Variants in SH3KBP1 observed in about 807,000 individuals in gnomAD.
The protein encoded by SH3KBP1 is SH3 domain containing kinase binding protein 1.
Under a neutral mutation model 50.1 loss-of-function variants are expected in SH3KBP1, and 8 were observed. The ratio of observed to expected loss-of-function variants is 0.16; its 90% CI spans 0.09 to 0.29. The LOEUF (loss-of-function observed/expected upper bound fraction) is 0.29, where lower values mean the gene tolerates loss of function less well. Ranked by LOEUF, SH3KBP1 falls within the 10% of genes least tolerant of loss-of-function variation. SH3KBP1 has a pLI of 1.00. For synonymous variants in SH3KBP1, 227 were observed against 218.6 expected (o/e 1.04, Z -0.34); for missense variants, 377 against 535.2 (o/e 0.70, Z 2.92).
In SH3KBP1 at chrX:19,792,649, C is replaced by T. The variant is rs564979743; in HGVS notation, c.162+43476G>A. Among the ~76,000 whole-genome samples the T allele has an allele frequency of 2.7e-5, 3 of 109,997 alleles. No homozygotes were observed. The South Asian group carries it at 1.2e-3, about 44-fold the overall frequency. On this transcript the variant is annotated intron_variant, in intron 2 of 17. Coordinates refer to ENST00000397821, the MANE Select transcript of SH3KBP1 (RefSeq NM_031892.3). ...GTCTAACATTTTCAAGGTCGTCTTT[C>T]CCTCTTTTAAATGTGGCTATTATGT...
intron 1 of SH3KBP1, among the ~76,000 whole-genome samples, chrX:19,854,994 C>A (rs1184660434): frequency 3.6e-5 from 4 of 110,698 alleles, no homozygotes; most frequent in Non-Finnish European, 7.6e-5. Flanking sequence ...TTCTTTTTTT[C>A]AGATGAAATG....
chrX:19,612,638 A>T (rs1158439085), intron 8 of SH3KBP1, among the ~76,000 whole-genome samples: 1 of 111,470 alleles, frequency 9.0e-6, no homozygotes, highest in African/African-American at 3.3e-5. Flanking sequence ...GGGAATTTTA[A>T]AAAAAAATGC....
intron 1 of SH3KBP1, among the ~76,000 whole-genome samples, chrX:19,860,945 T>C (rs2147509929): frequency 8.9e-6 from 1 of 111,983 alleles, no homozygotes; most frequent in African/African-American, 3.2e-5. Context: ...GCAATGTTGA[T>C]TTCCTGATTC....
intron 5 of SH3KBP1, chrX:19,687,726 A>C: frequency 6.5e-6 from 7 of 1,075,361 alleles, no homozygotes; most frequent in Non-Finnish European, 9.1e-6. Flanking sequence ...GGGGAGAGAA[A>C]AACAAGAGAG....
chrX:19,747,471 C>A (rs918691973), intron 2 of SH3KBP1, among the ~76,000 whole-genome samples: 2 of 111,119 alleles, frequency 1.8e-5, no homozygotes, highest in Non-Finnish European at 3.8e-5. Flanking sequence ...ATGAGGAATG[C>A]GCTCCTTAAA....
intron 12 of SH3KBP1, among the ~76,000 whole-genome samples, chrX:19,574,696 G>A (rs1339084281): frequency 5.3e-5 from 6 of 112,357 alleles, no homozygotes; most frequent in Non-Finnish European, 7.5e-5. Context: ...TGAGGATTTC[G>A]ACACATCAAT....
chrX:19,804,882 A>ACCCCCCCCCCCC (rs1171123464), intron 2 of SH3KBP1, among the ~76,000 whole-genome samples: 2 of 17,380 alleles, frequency 1.2e-4, no homozygotes, highest in African/African-American at 2.6e-4. Context: ...CCCAAACCCT[A>ACCCCCCCCCCCC]CCCCCCCCCC....
At chrX:19,808,306 T>C (rs1349004606) in intron 2 of SH3KBP1, among the ~76,000 whole-genome samples, 4 of 110,683 alleles carry the variant, frequency 3.6e-5, no homozygotes, top group Non-Finnish European at 7.6e-5. Context: ...GTATCACCAA[T>C]GTTCTCAGTC....
intron 8 of SH3KBP1, among the ~76,000 whole-genome samples, chrX:19,628,505 G>A (rs1222868141): frequency 2.7e-5 from 3 of 111,308 alleles, no homozygotes; most frequent in African/African-American, 9.8e-5. Context: ...TCAAACCCTG[G>A]TTCTGGGAGC....
chrX:19,747,603 A>G (rs2064953960), intron 2 of SH3KBP1: 3 of 340,109 alleles, frequency 8.8e-6, no homozygotes, highest in South Asian at 7.8e-5. Flanking sequence ...AAGCAACAAA[A>G]GTTTGTCAAA....
chrX:19,691,652 C>T (rs1197912933), intron 5 of SH3KBP1, among the ~76,000 whole-genome samples: 1 of 109,763 alleles, frequency 9.1e-6, no homozygotes, highest in East Asian at 2.8e-4. Context: ...TAGATTCAAA[C>T]AGATTTGAGA....
chrX:19,684,172 T>G (rs2063118818), intron 5 of SH3KBP1, 144 bp from the exon 6 acceptor site: 1 of 459,356 alleles, frequency 2.2e-6, no homozygotes, highest in African/African-American at 2.4e-5. Flanking sequence ...TTCAGTATGT[T>G]GAGTAGTTTG....
intron 7 of SH3KBP1, among the ~76,000 whole-genome samples, chrX:19,639,918 T>A (rs1240766596): frequency 1.9e-5 from 2 of 107,200 alleles, no homozygotes; most frequent in East Asian, 5.8e-4. Context: ...TTTTTTTTTT[T>A]TTTTTTTTTC....
chrX:19,631,412 G>T (rs1055379018), intron 8 of SH3KBP1, among the ~76,000 whole-genome samples: 21 of 111,912 alleles, frequency 1.9e-4, no homozygotes, highest in African/African-American at 6.2e-4. Context: ...AACGAGACAG[G>T]AAAAATTCTC....
intron 6 of SH3KBP1, among the ~76,000 whole-genome samples, chrX:19,655,682 G>A (rs1485321910): frequency 2.7e-5 from 3 of 110,968 alleles, no homozygotes; most frequent in African/African-American, 9.8e-5. Flanking sequence ...GAGGAAGGGA[G>A]GGGGGCAAGG....
intron 2 of SH3KBP1, among the ~76,000 whole-genome samples, chrX:19,815,961 A>T (rs1386342601): frequency 8.9e-6 from 1 of 112,603 alleles, no homozygotes; most frequent in Non-Finnish European, 1.9e-5. Flanking sequence ...AGCTGCTATG[A>T]ACATCTGTGT....
chrX:19,840,295 G>A (rs1186775105), intron 1 of SH3KBP1, among the ~76,000 whole-genome samples: 2 of 112,097 alleles, frequency 1.8e-5, no homozygotes, highest in Non-Finnish European at 3.8e-5. Flanking sequence ...TGGCTAGTCT[G>A]AACTGACGTG....
intron 2 of SH3KBP1, among the ~76,000 whole-genome samples, chrX:19,787,358 A>C (rs1249561670): frequency 8.9e-6 from 1 of 112,234 alleles, no homozygotes; most frequent in African/African-American, 3.2e-5. Context: ...AAACACTGAT[A>C]ATTAACTAGC....
intron 2 of SH3KBP1, chrX:19,799,650 G>A: frequency 8.3e-7 from 1 of 1,209,868 alleles, no homozygotes; most frequent in South Asian, 1.8e-5. Context: ...AGACAAGTCT[G>A]CGGCACTTGG....
Sources: allele counts gnomAD v4.1 joint callset (sites outside exome capture counted in the v4.1 genomes callset), GRCh38; gene constraint gnomAD v4.1.1; transcripts MANE v1.5; gene names NCBI Gene and HGNC (gene_info 2026-07-23, HGNC 2026-07-21).